Variants in LOXHD1 observed in about 807,000 individuals in gnomAD.
The protein encoded by LOXHD1 is lipoxygenase homology domain-containing protein 1.
LOXHD1 carries 205 observed loss-of-function variants against 248.2 expected under a neutral mutation model. The ratio of observed to expected loss-of-function variants is 0.83; its 90% CI spans 0.74 to 0.93. The LOEUF is 0.93. Ranked by LOEUF, LOXHD1 falls within the 40% of genes least tolerant of loss-of-function variation. The probability of loss-of-function intolerance (pLI) is 0.00; values close to 1 mark genes in which losing one functional copy is unlikely to be tolerated. For missense variants in LOXHD1, 2,930 were observed against 2,971.6 expected (o/e 0.99, Z 0.33); for synonymous variants, 1,113 against 1,162.8 (o/e 0.96, Z 0.87).
rs1213334574 is a variant in LOXHD1 at position 46,560,414 on chromosome 18, C to T, written c.2730G>A (p.Pro910=). The change falls in exon 19 of 41, where the codon CCG becomes CCA. Residue 910 remains proline, a synonymous_variant. Transcript: ENST00000642948. The stretch of plus-strand genomic sequence containing the variant: ...CCTTCTTCTTCCGGGCCTCCTCCTC[C>T]GGCGTGAGGTCCACCTCCCGCACCA... ...HLVVREVDLT[P]EEEARKKKEK... The T allele has an allele frequency of 7.1e-6, 11 of 1,548,628 alleles. No individual in the cohort carries two copies. Among genetic ancestry groups the T allele is most frequent in the African/African-American group, 2.7e-5 (2 of 73,082 alleles).
In LOXHD1 at chr18:46,522,183, CG is replaced by C; in HGVS notation, c.5002del (p.Arg1668GlufsTer27). The C allele has an allele frequency of 6.4e-7, 1 of 1,551,722 alleles. No individual in the cohort carries two copies. The highest frequency in any genetic ancestry group is 8.7e-7 in the Non-Finnish European group (1 of 1,147,004). Reference protein sequence around the residue: ...RSKRIWLDYPRGKRGFSRGSV... With the variant: ...RSKRIWLDYPXGKRGFSRGSV... ...GCCACGGCTGAAGCCCCTCTTCCCT[CG>C]GGGGTAGTCCAACCAGATGCGCTTA... On this transcript the variant is annotated frameshift_variant, in exon 32 of 41. Coordinates refer to ENST00000642948, the MANE Select transcript of LOXHD1 (RefSeq NM_001384474.1). LOFTEE classifies it high-confidence loss of function.
At chr18:46,579,564 A>G (rs2037922562) in intron 13 of LOXHD1, 66 bp downstream of exon 13, 1 of 1,544,248 alleles carries the variant, frequency 6.5e-7, no homozygotes, top group Non-Finnish European at 8.8e-7. Context: ...AGGGCAGGGA[A>G]GACGAGGGAA....
chr18:46,607,626 A>C (rs1383917482), intron 6 of LOXHD1, among the ~76,000 whole-genome samples: 2 of 152,008 alleles, frequency 1.3e-5, no homozygotes, highest in African/African-American at 2.4e-5. Context: ...TATGATGAAC[A>C]TGTATTAGTT....
At chr18:46,478,497 C>T (rs2143442846) in intron 40 of LOXHD1, among the ~76,000 whole-genome samples, 1 of 152,232 alleles carries the variant, frequency 6.6e-6, no homozygotes, top group South Asian at 2.1e-4. Flanking sequence ...CTTTTTGCTA[C>T]CTGTGGTCAA....
intron 29 of LOXHD1, 97 bp from the exon 30 acceptor site, chr18:46,525,014 C>T (rs1232851138): frequency 2.9e-6 from 4 of 1,356,146 alleles, no homozygotes; most frequent in Admixed American, 4.0e-5. Context: ...CCCTCAGTTG[C>T]TGCACTGAAC....
At chr18:46,541,625 G>A (rs1379585606) in intron 25 of LOXHD1, 151 bp downstream of exon 25, 1 of 760,796 alleles carries the variant, frequency 1.3e-6, no homozygotes, top group African/African-American at 1.8e-5. Flanking sequence ...AGCCCCCACA[G>A]AGTCAGAAAA....
At chr18:46,506,055 C>T in intron 36 of LOXHD1, 32 bp from the exon 37 acceptor site, 2 of 1,548,680 alleles carry the variant, frequency 1.3e-6, no homozygotes, top group Non-Finnish European at 8.7e-7. Flanking sequence ...GCTTAGGGTG[C>T]CAGCCTCTTT....
intron 14 of LOXHD1, among the ~76,000 whole-genome samples, chr18:46,573,655 A>G (rs1034505918): frequency 2.0e-5 from 3 of 152,074 alleles, no homozygotes; most frequent in South Asian, 4.2e-4. Context: ...CCAAACTGCA[A>G]TACTCTCTGC....
intron 14 of LOXHD1, among the ~76,000 whole-genome samples, chr18:46,575,680 C>G (rs528007669): frequency 2.0e-5 from 3 of 152,266 alleles, no homozygotes; most frequent in African/African-American, 7.2e-5. Flanking sequence ...CTGAGGGGTG[C>G]AGCCTGGCTG....
chr18:46,498,310 T>C (rs1249445090), intron 37 of LOXHD1, among the ~76,000 whole-genome samples: 2 of 152,158 alleles, frequency 1.3e-5, no homozygotes, highest in African/African-American at 4.8e-5. Context: ...CCTTGAATAT[T>C]TTCCACCCAG....
rs2144003933 is a variant in LOXHD1 at position 46,559,569 on chromosome 18, T to TA, written c.3094_3095insT (p.Asn1032IlefsTer8). The TA allele has an allele frequency of 6.4e-7, 1 of 1,551,860 alleles. No homozygotes were observed. The highest frequency in any genetic ancestry group is 8.7e-7 in the Non-Finnish European group (1 of 1,147,002). ...AGCATCAGTGCCGGCCTTGGGCACA[T>TA]TCCCCGTGACCACCTGAACCTCATA... On this transcript the variant is annotated frameshift_variant, in exon 20 of 41. Transcript: ENST00000642948. LOFTEE classifies it high-confidence loss of function.
rs10645069 is a variant in LOXHD1 at position 46,479,236 on chromosome 18, A to ATGTGTGTGTGTG, written c.6342-1296_6342-1285dup. On this transcript the variant is annotated intron_variant, in intron 40 of 40. Coordinates refer to ENST00000642948, the MANE Select transcript of LOXHD1 (RefSeq NM_001384474.1). ...GAACAAAGAGTTTGTATATATATGT[A>ATGTGTGTGTGTG]TGTGTGTGTGTGTGTGTGTGTGTGT... Among the ~76,000 whole-genome samples the ATGTGTGTGTGTG allele has an allele frequency of 3.8e-3, 548 of 142,884 alleles. 1 individual carries two copies. Among genetic ancestry groups the ATGTGTGTGTGTG allele is most frequent in the South Asian group, 7.6e-3 (33 of 4,316 alleles). The allele number at this position is 142,884 out of a possible 152,430, so 93.7% of individuals were successfully genotyped here. A position where few individuals can be genotyped will look rare whatever the true frequency, so the allele number is the denominator to read the frequency against.
At chr18:46,551,372 G>A (rs1326283653) in intron 21 of LOXHD1, among the ~76,000 whole-genome samples, 1 of 150,140 alleles carries the variant, frequency 6.7e-6, no homozygotes, top group East Asian at 1.9e-4. Context: ...CGAAGTGCTG[G>A]GATTATAGGC....
At chr18:46,653,309 G>C (rs540657735) in intron 1 of LOXHD1, among the ~76,000 whole-genome samples, 22 of 152,284 alleles carry the variant, frequency 1.4e-4, no homozygotes, top group African/African-American at 5.3e-4. Context: ...GAGATTTGTC[G>C]CCTCTGAGAA....
At chr18:46,558,506 A>C (rs2037429236) in intron 20 of LOXHD1, among the ~76,000 whole-genome samples, 1 of 152,248 alleles carries the variant, frequency 6.6e-6, no homozygotes, top group Non-Finnish European at 1.5e-5. Context: ...TTAAAGGAGA[A>C]CACTGAAACG....
At position 46,538,319 on chromosome 18, in the gene LOXHD1, G is replaced by A. The variant is rs1485307310; in HGVS notation, c.3932C>T (p.Thr1311Ile). ...AGCAAAGACATCACTGGTGTAGAGG[G>A]TGATCTCGTAAGGAACAACTGAGGG... Reference protein sequence around the residue: ...LYTPFVPYEITLYTSDVFAAG... With the variant: ...LYTPFVPYEIILYTSDVFAAG... The change falls in exon 26 of 41, where the codon ACC becomes ATC. Residue 1311 changes from threonine (T) to isoleucine (I), a missense_variant. By Grantham distance (89) the Thr-to-Ile change is moderately conservative (BLOSUM62 -1). Coordinates refer to ENST00000642948, the MANE Select transcript of LOXHD1 (RefSeq NM_001384474.1). The A allele has an allele frequency of 3.2e-6, 5 of 1,549,942 alleles. No homozygotes were observed. Among genetic ancestry groups the A allele is most frequent in the Admixed American group, 2.0e-5 (1 of 50,976 alleles).
At chr18:46,654,742 A>C (rs1197143893) in intron 1 of LOXHD1, among the ~76,000 whole-genome samples, 1 of 152,238 alleles carries the variant, frequency 6.6e-6, no homozygotes, top group African/African-American at 2.4e-5. Flanking sequence ...AGAGGGTGAC[A>C]ATGACAGTAC....
intron 31 of LOXHD1, among the ~76,000 whole-genome samples, chr18:46,523,485 T>A (rs991290129): frequency 6.6e-6 from 1 of 152,186 alleles, no homozygotes; most frequent in African/African-American, 2.4e-5. Context: ...CTTTGGACTT[T>A]TATGTGAGTG....
Position 46,604,155 on chromosome 18 carries a change from G to C in LOXHD1, c.834C>G (p.Asp278Glu). The change falls in exon 7 of 41, where the codon GAC (aspartate) becomes GAG (glutamate). Residue 278 changes from aspartate to glutamate, a missense_variant. Transcript: ENST00000642948. ...AGATATCCCTTTGGATTTTGCCATC[G>C]TCTTCGTCCAAGGCCAGCCAGCGGT... ...PLNRWLALDE[D>E]DGKIQRDILV... is the part of the protein sequence containing the mutation. 1 of 1,551,716 alleles carries C rather than the reference G, an allele frequency of 6.4e-7. No homozygotes were observed. Among genetic ancestry groups the C allele is most frequent in the Non-Finnish European group, 8.7e-7 (1 of 1,146,978 alleles).
Sources: allele counts gnomAD v4.1 joint callset (sites outside exome capture counted in the v4.1 genomes callset), GRCh38; gene constraint gnomAD v4.1.1; transcripts MANE v1.5; gene names NCBI Gene and HGNC (gene_info 2026-07-23, HGNC 2026-07-21).